AKAP13: variants seen among roughly 807,000 people sequenced by gnomAD.
AKAP13 encodes the protein A-kinase anchoring protein 13.
In AKAP13, 80 loss-of-function variants were observed where a neutral mutation model predicts 264.5. That is an observed-to-expected ratio of 0.30 (90% CI 0.25 to 0.36). The LOEUF is 0.36. Ranked by LOEUF, AKAP13 falls within the 10% of genes least tolerant of loss-of-function variation. AKAP13 has a pLI of 1.00. For synonymous variants in AKAP13, 1,380 were observed against 1,250.2 expected (o/e 1.10, Z -2.19); for missense variants, 3,712 against 3,435.2 (o/e 1.08, Z -2.01).
intron 23 of AKAP13, among the ~76,000 whole-genome samples, chr15:85,720,825 A>G (rs553502015): frequency 6.6e-6 from 1 of 152,346 alleles, no homozygotes; most frequent in East Asian, 1.9e-4. Flanking sequence ...CTGAGCATCT[A>G]TTAAATGCCA....
At chr15:85,435,776 T>G (rs1399775177) in intron 1 of AKAP13, among the ~76,000 whole-genome samples, 1 of 147,126 alleles carries the variant, frequency 6.8e-6, no homozygotes, top group Non-Finnish European at 1.5e-5. Flanking sequence ...TGAGAGATTT[T>G]GTCACCACCA....
At chr15:85,473,078 G>A (rs143206923) in intron 1 of AKAP13, among the ~76,000 whole-genome samples, 96 of 152,198 alleles carry the variant, frequency 6.3e-4, no homozygotes, top group African/African-American at 2.1e-3. Context: ...AATGACCCAC[G>A]TGCTAATAAT....
chr15:85,573,638 A>G (rs1019992054), intron 5 of AKAP13, among the ~76,000 whole-genome samples: 3 of 152,176 alleles, frequency 2.0e-5, no homozygotes, highest in African/African-American at 7.2e-5. Context: ...AACATTTCAT[A>G]TAAGGAGGAA....
At chr15:85,660,869 A>G (rs1163407352) in intron 12 of AKAP13, among the ~76,000 whole-genome samples, 1 of 152,204 alleles carries the variant, frequency 6.6e-6, no homozygotes, top group African/African-American at 2.4e-5. Flanking sequence ...TTTTTAAAAG[A>G]GCCATAGGGG....
chr15:85,624,060 G>C (rs1408871196), intron 8 of AKAP13, among the ~76,000 whole-genome samples: 1 of 152,206 alleles, frequency 6.6e-6, no homozygotes, highest in Non-Finnish European at 1.5e-5. Flanking sequence ...ATCAGAAACT[G>C]ACTGTAAAAT....
At position 85,580,678 on chromosome 15, in the gene AKAP13, A is replaced by G. The variant is rs2079130312; in HGVS notation, c.2610A>G (p.Gly870=). The G allele has an allele frequency of 6.2e-7, 1 of 1,614,084 alleles. No homozygotes were observed. The highest frequency in any genetic ancestry group is 8.5e-7 in the Non-Finnish European group (1 of 1,180,040). The change falls in exon 7 of 37, where the codon GGA becomes GGG. Residue 870 remains glycine, a synonymous_variant. Transcript: ENST00000394518. ...ATACCAGTCTCACAGGACTTGGTGG[A>G]GAGCATGAGGGTCCCGCCCCTCCAG... ...MGNTSLTGLG[G]EHEGPAPPAI... is the part of the protein sequence containing the mutation.
chr15:85,655,852 G>A, intron 11 of AKAP13, 65 bp downstream of exon 11: 1 of 1,520,132 alleles, frequency 6.6e-7, no homozygotes, highest in African/African-American at 1.4e-5. Flanking sequence ...CTTCTGATTT[G>A]TATTATTGTT....
chr15:85,546,809 T>A (rs1403804673), intron 5 of AKAP13, among the ~76,000 whole-genome samples: 1 of 151,734 alleles, frequency 6.6e-6, no homozygotes, highest in Non-Finnish European at 1.5e-5. Context: ...AGTGGCACGA[T>A]CTTGTCTCAC....
intron 14 of AKAP13, among the ~76,000 whole-genome samples, chr15:85,672,827 C>T (rs1160017857): frequency 1.3e-5 from 2 of 152,166 alleles, no homozygotes; most frequent in Non-Finnish European, 2.9e-5. Context: ...TGTGATTGTT[C>T]ACAATAACCA....
intron 2 of AKAP13, among the ~76,000 whole-genome samples, chr15:85,498,199 G>GATATATATATAT (rs59420326): frequency 4.9e-4 from 65 of 133,068 alleles, no homozygotes; most frequent in African/African-American, 1.4e-3. Flanking sequence ...AATGAAGTGA[G>GATATATATATAT]ATATATATAT....
intron 5 of AKAP13, among the ~76,000 whole-genome samples, chr15:85,546,156 C>T (rs11632666): frequency 0.87 from 132,407 of 152,098 alleles, 58,483 homozygotes; most frequent in African/African-American, 0.96. Flanking sequence ...AAAAACAATA[C>T]GTACTTCAAA....
At chr15:85,714,542 T>C (rs907042947) in intron 19 of AKAP13, among the ~76,000 whole-genome samples, 3 of 152,250 alleles carry the variant, frequency 2.0e-5, no homozygotes, top group African/African-American at 7.2e-5. Flanking sequence ...TGTAGACTCT[T>C]GGGTTCCACC....
chr15:85,729,879 G>C (rs140982534), intron 29 of AKAP13, among the ~76,000 whole-genome samples: 1 of 152,130 alleles, frequency 6.6e-6, no homozygotes, highest in Non-Finnish European at 1.5e-5. Context: ...AGGAGGTGGA[G>C]GTTACGGTGA....
At chr15:85,495,464 C>T (rs1488426691) in intron 2 of AKAP13, among the ~76,000 whole-genome samples, 1 of 152,148 alleles carries the variant, frequency 6.6e-6, no homozygotes, top group African/African-American at 2.4e-5. Context: ...GTGCATATCT[C>T]AGATTCTTCA....
At chr15:85,650,617 G>A (rs998101877) in intron 10 of AKAP13, among the ~76,000 whole-genome samples, 14 of 150,884 alleles carry the variant, frequency 9.3e-5, no homozygotes, top group East Asian at 1.9e-4. Flanking sequence ...TTAGCTGGGC[G>A]TGGTGGCAGG....
chr15:85,593,548 T>A (rs568137936), intron 8 of AKAP13, among the ~76,000 whole-genome samples: 19 of 151,630 alleles, frequency 1.3e-4, no homozygotes, highest in African/African-American at 2.4e-4. Context: ...TTTTTTTTTT[T>A]AAATCACACA....
chr15:85,521,671 T>C, intron 3 of AKAP13, 96 bp downstream of exon 3: 4 of 1,337,052 alleles, frequency 3.0e-6, no homozygotes, highest in Non-Finnish European at 4.0e-6. Flanking sequence ...GAGTGAAGTG[T>C]AGACAGTATA....
intron 8 of AKAP13, among the ~76,000 whole-genome samples, chr15:85,626,013 C>T (rs534998859): frequency 3.9e-5 from 6 of 152,276 alleles, no homozygotes; most frequent in East Asian, 3.9e-4. Context: ...GAATATGATA[C>T]GCTTGGTGGT....
At chr15:85,527,540 A>T (rs2077110635) in intron 3 of AKAP13, among the ~76,000 whole-genome samples, 1 of 152,218 alleles carries the variant, frequency 6.6e-6, no homozygotes, top group African/African-American at 2.4e-5. Context: ...AAGGCTGAGA[A>T]ACACTGCCTT....
Sources: gnomAD v4.1 joint callset for allele counts (sites outside exome capture counted in the v4.1 genomes callset) on GRCh38, gnomAD v4.1.1 for gene constraint, MANE v1.5 for transcripts, NCBI Gene and HGNC (gene_info 2026-07-23, HGNC 2026-07-21) for gene names.